Variants in TANC2 observed in about 807,000 individuals in gnomAD.
The protein encoded by TANC2 is protein TANC2.
Under a neutral mutation model 210.5 loss-of-function variants are expected in TANC2, and 26 were observed. That is an observed-to-expected ratio of 0.12 (90% CI 0.09 to 0.17). TANC2 has a LOEUF of 0.17. TANC2 is among the 10% of genes least tolerant of loss of function. The probability of loss-of-function intolerance (pLI) is 1.00; values close to 1 mark genes in which losing one functional copy is unlikely to be tolerated. For synonymous variants in TANC2, 931 were observed against 967.1 expected (o/e 0.96, Z 0.69); for missense variants, 2,129 against 2,608.9 (o/e 0.82, Z 4.01).
At chr17:63,356,244 C>G (rs1029692824) in intron 14 of TANC2, among the ~76,000 whole-genome samples, 1 of 152,152 alleles carries the variant, frequency 6.6e-6, no homozygotes, top group East Asian at 1.9e-4. Flanking sequence ...GCATCCTGGT[C>G]GGGGTGTGCT....
intron 1 of TANC2, among the ~76,000 whole-genome samples, chr17:62,972,143 C>G (rs960022452): frequency 9.2e-5 from 14 of 151,774 alleles, no homozygotes; most frequent in Non-Finnish European, 2.1e-4. Context: ...ATAATTTTTT[C>G]TGGAAACAAA....
At chr17:63,136,121 TA>T (rs1193522643) in intron 4 of TANC2, among the ~76,000 whole-genome samples, 2 of 152,210 alleles carry the variant, frequency 1.3e-5, no homozygotes, top group African/African-American at 4.8e-5. Flanking sequence ...GATTTACAGA[TA>T]AATGAAGATT....
At chr17:63,007,477 T>C (rs1255559881) in intron 1 of TANC2, among the ~76,000 whole-genome samples, 2 of 152,182 alleles carry the variant, frequency 1.3e-5, no homozygotes, top group African/African-American at 4.8e-5. Flanking sequence ...GAGTTTAAAT[T>C]ATAAACCTTA....
chr17:63,094,059 TC>T (rs2037299668), intron 3 of TANC2, among the ~76,000 whole-genome samples: 1 of 152,218 alleles, frequency 6.6e-6, no homozygotes, highest in Non-Finnish European at 1.5e-5. Context: ...TTTAAAATTT[TC>T]CAAATGTTCA....
exon 28 of TANC2, chr17:63,423,237 TGAA>T (rs1397361229): frequency 6.6e-6 from 1 of 152,144 alleles, no homozygotes; most frequent in African/African-American, 2.4e-5. Flanking sequence ...TGTTTCAGGG[TGAA>T]GAAAGACCCC....
At chr17:63,309,499 G>C (rs879451606) in intron 9 of TANC2, among the ~76,000 whole-genome samples, 2 of 151,828 alleles carry the variant, frequency 1.3e-5, no homozygotes, top group Non-Finnish European at 2.9e-5. Flanking sequence ...GAATTATCTG[G>C]GTTTTTAAAA....
chr17:63,406,774 T>C (rs1366787308), intron 21 of TANC2, among the ~76,000 whole-genome samples: 1 of 152,146 alleles, frequency 6.6e-6, no homozygotes, highest in East Asian at 1.9e-4. Flanking sequence ...GAATGGGAAA[T>C]AAGTTAAAGG....
chr17:63,102,299 G>A (rs891075246), intron 4 of TANC2, among the ~76,000 whole-genome samples: 2 of 151,660 alleles, frequency 1.3e-5, no homozygotes, highest in African/African-American at 2.4e-5. Context: ...AACAGAACAA[G>A]CAAGACCCTG....
intron 7 of TANC2, among the ~76,000 whole-genome samples, chr17:63,229,932 T>C (rs957533943): frequency 2.6e-5 from 4 of 152,106 alleles, no homozygotes; most frequent in African/African-American, 9.7e-5. Context: ...TAGCTGGGAT[T>C]ACAGGTGTGT....
intron 9 of TANC2, among the ~76,000 whole-genome samples, chr17:63,271,696 G>A (rs993483757): frequency 2.0e-5 from 3 of 148,656 alleles, no homozygotes; most frequent in Admixed American, 6.8e-5. Flanking sequence ...TTCATAAGCT[G>A]GTTGGCTGCA....
intron 11 of TANC2, among the ~76,000 whole-genome samples, chr17:63,328,959 T>C (rs1421700732): frequency 6.6e-6 from 1 of 152,082 alleles, no homozygotes; most frequent in Non-Finnish European, 1.5e-5. Flanking sequence ...ACTTGTCAAC[T>C]TTTAGCATAG....
At chr17:62,993,335 T>C (rs1392886722) in intron 1 of TANC2, among the ~76,000 whole-genome samples, 1 of 152,222 alleles carries the variant, frequency 6.6e-6, no homozygotes, top group Non-Finnish European at 1.5e-5. Flanking sequence ...CATTAGTTTT[T>C]AGATCACTTT....
chr17:63,293,580 G>A (rs970508021), intron 9 of TANC2, among the ~76,000 whole-genome samples: 1 of 152,048 alleles, frequency 6.6e-6, no homozygotes, highest in African/African-American at 2.4e-5. Flanking sequence ...ATATGCATTA[G>A]TCAAGATCCA....
At chr17:63,240,465 A>G (rs780431196) in intron 8 of TANC2, among the ~76,000 whole-genome samples, 1 of 152,118 alleles carries the variant, frequency 6.6e-6, no homozygotes, top group Non-Finnish European at 1.5e-5. Context: ...TCACTGTGTT[A>G]ATCAAGGACC....
rs190459220 is a variant in TANC2 at position 63,254,644 on chromosome 17, G to T, written c.1034-13104G>T. ...TATGTCTTTTATTGTGTTTAGGTAT[G>T]TTCCTTCTGTACCCAGTTTTTTTAG... is the stretch of plus-strand genomic sequence containing the variant. On this transcript the variant is annotated intron_variant, in intron 8 of 27. Transcript: ENST00000689528. Among the ~76,000 whole-genome samples, 265 of 152,276 alleles carry T rather than the reference G, an allele frequency of 1.7e-3. 1 individual carries two copies. The highest frequency in any genetic ancestry group is 3.4e-3 in the Middle Eastern group (1 of 294).
chr17:63,020,029 C>T (rs1272001816), intron 2 of TANC2, among the ~76,000 whole-genome samples: 1 of 152,170 alleles, frequency 6.6e-6, no homozygotes, highest in African/African-American at 2.4e-5. Context: ...CGGGTTCAAG[C>T]GATTCTCCTG....
chr17:63,262,648 C>G (rs2043400675), intron 8 of TANC2, among the ~76,000 whole-genome samples: 1 of 147,242 alleles, frequency 6.8e-6, no homozygotes, highest in African/African-American at 2.5e-5. Context: ...TTTTTGGTAG[C>G]TACATAGATA....
intron 7 of TANC2, among the ~76,000 whole-genome samples, chr17:63,236,541 T>G (rs2042625866): frequency 6.6e-6 from 1 of 152,122 alleles, no homozygotes; most frequent in South Asian, 2.1e-4. Flanking sequence ...AAGGCAGTTT[T>G]GTTACATGCA....
At chr17:63,150,009 G>A (rs2039593636) in intron 4 of TANC2, 1 of 152,054 alleles carries the variant, frequency 6.6e-6, no homozygotes, top group South Asian at 2.1e-4. Flanking sequence ...TTTGAAAATA[G>A]TTTCTATATA....
Sources: allele counts gnomAD v4.1 joint callset (sites outside exome capture counted in the v4.1 genomes callset), GRCh38; gene constraint gnomAD v4.1.1; transcripts MANE v1.5; gene names NCBI Gene and HGNC (gene_info 2026-07-23, HGNC 2026-07-21).